The following FBRSL1 variants were observed in gnomAD, a reference collection of about 807,000 sequenced individuals.
FBRSL1 encodes the protein fibrosin like 1.
A neutral mutation model predicts 89.6 loss-of-function variants in FBRSL1; 51 were observed. The observed-to-expected ratio is 0.57, with a 90% CI of 0.45 to 0.72. FBRSL1 has a LOEUF of 0.72. FBRSL1 is among the 30% of genes least tolerant of loss of function. FBRSL1 has a pLI of 0.00. For synonymous variants in FBRSL1, 779 were observed against 681.1 expected, an observed-to-expected ratio of 1.14 and a Z score of -2.24; for missense variants, 1,618 against 1,451.8, an observed-to-expected ratio of 1.11 and a Z score of -1.86.
chr12:132,551,516 G>A (rs2038162782), intron 5 of FBRSL1: 1 of 456,192 alleles, frequency 2.2e-6, no homozygotes. Context: ...GCATGTCTCA[G>A]GCCAGTGCAC....
intron 1 of FBRSL1, among the ~76,000 whole-genome samples, chr12:132,500,536 G>A (rs1280941682): frequency 6.6e-6 from 1 of 152,072 alleles, no homozygotes; most frequent in Non-Finnish European, 1.5e-5. Flanking sequence ...ACCAGCCTCC[G>A]GGGAGTCCTG....
chr12:132,549,161 C>T (rs1296511919), intron 5 of FBRSL1, among the ~76,000 whole-genome samples: 1 of 152,210 alleles, frequency 6.6e-6, no homozygotes, highest in Non-Finnish European at 1.5e-5. Flanking sequence ...AGAGGCCGCA[C>T]CGTCGCCGCG....
At chr12:132,567,333 T>C in intron 5 of FBRSL1, 148 bp from the exon 6 acceptor site, 1 of 714,498 alleles carries the variant, frequency 1.4e-6, no homozygotes, top group Non-Finnish European at 2.4e-6. Flanking sequence ...ACTAAGCGTG[T>C]TCACCTCGTA....
At chr12:132,509,388 C>G in intron 2 of FBRSL1, 1 of 1,241,956 alleles carries the variant, frequency 8.1e-7, no homozygotes, top group Non-Finnish European at 1.0e-6. Context: ...CCTGAAACAG[C>G]CCTGCCAGCC....
rs537200082 is a variant in FBRSL1 at position 132,525,992 on chromosome 12, G to A, written c.579+169G>A. Among the ~76,000 whole-genome samples the A allele has an allele frequency of 7.9e-5, 12 of 152,384 alleles. No homozygotes were observed. In the South Asian group the frequency reaches 1.9e-3, roughly 24 times the overall value. On this transcript the variant is annotated intron_variant, in intron 3 of 18. Transcript: ENST00000680143. ...TGCCCGCTGCACCCTGCACAAGGGCGTCCAGGAAGCCGCTGGTTAGGGTCC... is the reference window on the plus strand; with the variant it reads ...TGCCCGCTGCACCCTGCACAAGGGCATCCAGGAAGCCGCTGGTTAGGGTCC...
chr12:132,547,042 G>T (rs951639040), intron 4 of FBRSL1, among the ~76,000 whole-genome samples: 4 of 152,192 alleles, frequency 2.6e-5, no homozygotes, highest in African/African-American at 4.8e-5. Context: ...TTCATTCGAC[G>T]TGAATGCCTC....
Position 132,583,511 on chromosome 12 carries a change from C to G in FBRSL1, c.2742C>G (p.Ala914=), listed in dbSNP as rs1263978212. ...RARAPHLPPA[A]PALDGALLPS... is the part of the protein sequence containing the mutation. Reference sequence around the variant, plus strand: ...GGGCCCCGCACCTGCCGCCCGCCGCCCCCGCCTTGGACGGCGCGCTGCTGC... The same window carrying G: ...GGGCCCCGCACCTGCCGCCCGCCGCGCCCGCCTTGGACGGCGCGCTGCTGC... Residue 914 remains alanine, a synonymous_variant, in exon 19 of 19, where the codon GCC becomes GCG. Transcript: ENST00000680143. 9.6e-7 allele frequency: 1 copy of G among 1,043,700 alleles called. No homozygotes were observed. 64.7% of individuals were successfully genotyped at this position (1,043,700 alleles called of 1,614,324 possible).
At chr12:132,529,547 TCTCTGCCACCCTGGGCTCGG>T (rs1482216805) in intron 4 of FBRSL1, among the ~76,000 whole-genome samples, 28 of 151,848 alleles carry the variant, frequency 1.8e-4, no homozygotes, top group Middle Eastern at 3.4e-3. Flanking sequence ...CCTGGGCTCT[TCTCTGCCACCCTGGGCTCGG>T]CTCTGCCACC....
At chr12:132,560,737 C>T (rs1373537985) in intron 5 of FBRSL1, among the ~76,000 whole-genome samples, 22 of 152,218 alleles carry the variant, frequency 1.4e-4, no homozygotes, top group Non-Finnish European at 8.8e-5. Context: ...CCGGGCGCCC[C>T]CGCTGCCTCT....
intron 3 of FBRSL1, among the ~76,000 whole-genome samples, chr12:132,527,038 C>T (rs1205217866): frequency 6.6e-6 from 1 of 152,168 alleles, no homozygotes; most frequent in East Asian, 1.9e-4. Context: ...CCTAGCTGCC[C>T]CTGCAGACCA....
At chr12:132,571,801 G>T (rs2040034084) in intron 9 of FBRSL1, 1 of 329,806 alleles carries the variant, frequency 3.0e-6, no homozygotes. Context: ...TAGATCCCCA[G>T]TGCCAGGGCT....
chr12:132,501,040 G>T lies in FBRSL1; in HGVS notation c.292-7113G>T, dbSNP rs577594149. ...ATGTGGCCAGGAGCTGGGCGGGGAA[G>T]GAGCCCAAGGGGCCTGCAGCCACTG... On this transcript the variant is annotated intron_variant, in intron 1 of 18. Transcript: ENST00000680143. Among the ~76,000 whole-genome samples, 14 of 152,354 alleles carry T rather than the reference G, an allele frequency of 9.2e-5. No homozygotes were observed. The East Asian group carries it at 2.7e-3, about 29-fold the overall frequency.
intron 1 of FBRSL1, chr12:132,507,249 C>T (rs1019341433): frequency 1.1e-5 from 11 of 985,442 alleles, no homozygotes; most frequent in Non-Finnish European, 1.2e-5. Flanking sequence ...GTTTTCCTCA[C>T]AGCTGTGCCC....
Position 132,583,488 on chromosome 12 carries a change from G to T in FBRSL1, c.2719G>T (p.Ala907Ser). The T allele has an allele frequency of 2.9e-6, 3 of 1,048,140 alleles. No individual in the cohort carries two copies. Among genetic ancestry groups the T allele is most frequent in the Non-Finnish European group, 2.3e-6 (2 of 869,864 alleles). 64.9% of individuals were successfully genotyped at this position (1,048,140 alleles called of 1,614,324 possible). Residue 907 changes from alanine to serine, a missense_variant, in exon 19 of 19, where the codon GCC becomes TCC. Ala to Ser is a moderately conservative substitution (Grantham distance 99). Transcript: ENST00000680143. ...GCGCGGGGAGCTGGAGCGCGCGCGG[G>T]CCCCGCACCTGCCGCCCGCCGCCCC... ...RLRGELERAR[A>S]PHLPPAAPAL... is the part of the protein sequence containing the mutation.
intron 5 of FBRSL1, among the ~76,000 whole-genome samples, chr12:132,558,305 G>A (rs1040574170): frequency 1.1e-4 from 16 of 152,332 alleles, no homozygotes; most frequent in Non-Finnish European, 1.6e-4. Flanking sequence ...CCAGCCTGCC[G>A]GCTCAGCCCA....
intron 15 of FBRSL1, among the ~76,000 whole-genome samples, chr12:132,580,365 G>C (rs1474820588): frequency 6.6e-6 from 1 of 152,214 alleles, no homozygotes; most frequent in Non-Finnish European, 1.5e-5. Flanking sequence ...TGGGATTACA[G>C]GCGTGAGCCA....
At chr12:132,498,972 C>T (rs2032516226) in intron 1 of FBRSL1, among the ~76,000 whole-genome samples, 1 of 152,238 alleles carries the variant, frequency 6.6e-6, no homozygotes, top group South Asian at 2.1e-4. Context: ...AGCGGGCTTC[C>T]TCTGCTCTCA....
chr12:132,567,332 G>A, intron 5 of FBRSL1, 149 bp from the exon 6 acceptor site: 2 of 710,548 alleles, frequency 2.8e-6, no homozygotes, highest in Non-Finnish European at 4.9e-6. Context: ...GACTAAGCGT[G>A]TTCACCTCGT....
At position 132,564,810 on chromosome 12, in the gene FBRSL1, T is replaced by C. The variant is rs11146936; in HGVS notation, c.646-2671T>C. ...ACGCCCGGCTAATTTTTTGTATTTT[T>C]AGTAGAGACGGGGTTTCACCGTGTT... is the stretch of plus-strand genomic sequence containing the variant. On this transcript the variant is annotated intron_variant, in intron 5 of 18. Coordinates refer to ENST00000680143, the MANE Select transcript of FBRSL1 (RefSeq NM_001367871.1). 3.7e-4 allele frequency among the ~76,000 whole-genome samples: 38 copies of C among 102,632 alleles called. 3 individuals are homozygous for C. The highest frequency in any genetic ancestry group is 1.5e-3 in the Admixed American group (11 of 7,352). The allele number at this position is 102,632 out of a possible 152,430, so 67.3% of individuals were successfully genotyped here. A position where few individuals can be genotyped will look rare whatever the true frequency, so the allele number is the denominator to read the frequency against.
Sources: allele counts gnomAD v4.1 joint callset (sites outside exome capture counted in the v4.1 genomes callset), GRCh38; gene constraint gnomAD v4.1.1; transcripts MANE v1.5; gene names NCBI Gene and HGNC (gene_info 2026-07-23, HGNC 2026-07-21).